The following GREB1L variants were observed in gnomAD, a reference collection of about 807,000 sequenced individuals.
GREB1L encodes the protein GREB1 like retinoic acid receptor coactivator.
In GREB1L, 17 loss-of-function variants were observed where a neutral mutation model predicts 200.8. The ratio of observed to expected loss-of-function variants is 0.08; its 90% confidence interval spans 0.06 to 0.13. The LOEUF (loss-of-function observed/expected upper bound fraction) is 0.13. Among genes scored for constraint, GREB1L ranks in the 10% least tolerant of loss-of-function variants. The pLI is 1.00. For missense variants in GREB1L, 1,657 were observed against 2,367.7 expected, an observed-to-expected ratio of 0.70 and a Z score of 6.23; for synonymous variants, 789 against 893.0, an observed-to-expected ratio of 0.88 and a Z score of 2.08.
At chr18:21,424,582 A>G (rs2144933035) in intron 7 of GREB1L, among the ~76,000 whole-genome samples, 1 of 152,224 alleles carries the variant, frequency 6.6e-6, no homozygotes, top group African/African-American at 2.4e-5. Flanking sequence ...ATAAAGTGTG[A>G]CAGAGTGAGA....
At chr18:21,468,349 C>G (rs916456069) in intron 15 of GREB1L, among the ~76,000 whole-genome samples, 21 of 152,106 alleles carry the variant, frequency 1.4e-4, no homozygotes, top group Non-Finnish European at 2.5e-4. Flanking sequence ...TCTATAGAGA[C>G]ACAAAGTAGA....
At chr18:21,328,193 C>T (rs1013512844) in intron 1 of GREB1L, among the ~76,000 whole-genome samples, 8 of 152,262 alleles carry the variant, frequency 5.3e-5, no homozygotes, top group Non-Finnish European at 8.8e-5. Flanking sequence ...CCCCGTTCCC[C>T]AGGATGTTTA....
At chr18:21,506,092 T>C (rs2037005129) in intron 25 of GREB1L, 143 bp downstream of exon 25, 4 of 925,572 alleles carry the variant, frequency 4.3e-6, no homozygotes, top group Non-Finnish European at 4.6e-6. Context: ...GAGCCACTCA[T>C]TGGTGAGAAA....
At chr18:21,271,473 T>C (rs1644239061) in intron 1 of GREB1L, among the ~76,000 whole-genome samples, 3 of 151,274 alleles carry the variant, frequency 2.0e-5, no homozygotes, top group Non-Finnish European at 4.4e-5. Flanking sequence ...ACAGTGAGAC[T>C]CTGTCTCTAT....
At chr18:21,442,452 C>T (rs2033950277) in intron 10 of GREB1L, among the ~76,000 whole-genome samples, 1 of 152,182 alleles carries the variant, frequency 6.6e-6, no homozygotes. Context: ...ATCCCAGTTG[C>T]TTAAATGCTG....
chr18:21,425,622 G>C (rs867105012), intron 7 of GREB1L, among the ~76,000 whole-genome samples: 15 of 152,166 alleles, frequency 9.9e-5, no homozygotes, highest in African/African-American at 3.6e-4. Context: ...GTTTTGATTT[G>C]CATTTCTCCA....
Position 21,525,769 on chromosome 18 carries a change from A to ATCTT in GREB1L, c.*2949_*2952dup, listed in dbSNP as rs1343983093. Among the ~76,000 whole-genome samples the ATCTT allele has an allele frequency of 1.3e-5, 2 of 152,222 alleles. No homozygotes were observed. The highest frequency in any genetic ancestry group is 4.8e-5 in the African/African-American group (2 of 41,472). On this transcript the variant is annotated 3_prime_UTR_variant, in exon 33 of 33. Coordinates refer to ENST00000424526, the MANE Select transcript of GREB1L (RefSeq NM_001142966.3). ...ATGCTGTTATTGTAGTATGAATTAT[A>ATCTT]TCTTCTTAAAAAATTTTACCAACTT... is the stretch of plus-strand genomic sequence containing the variant.
At chr18:21,499,353 C>A (rs757744089) in intron 21 of GREB1L, among the ~76,000 whole-genome samples, 1 of 152,176 alleles carries the variant, frequency 6.6e-6, no homozygotes, top group African/African-American at 2.4e-5. Flanking sequence ...GTGTGCTGTG[C>A]TGGGGGGTGG....
At chr18:21,503,224 A>T (rs986139943) in intron 23 of GREB1L, among the ~76,000 whole-genome samples, 1 of 151,708 alleles carries the variant, frequency 6.6e-6, no homozygotes, top group African/African-American at 2.4e-5. Flanking sequence ...AAAAATATAT[A>T]TTTTAAGATG....
At chr18:21,395,804 A>C (rs2041033683) in intron 5 of GREB1L, among the ~76,000 whole-genome samples, 1 of 150,104 alleles carries the variant, frequency 6.7e-6, no homozygotes, top group Admixed American at 6.7e-5. Context: ...GTCTAGGCTC[A>C]CTGCAACCTC....
intron 1 of GREB1L, among the ~76,000 whole-genome samples, chr18:21,351,588 G>C (rs1361739174): frequency 6.6e-6 from 1 of 150,774 alleles, no homozygotes; most frequent in East Asian, 1.9e-4. Flanking sequence ...AAAAAAAAAG[G>C]CACAGAGATG....
At chr18:21,521,297 G>C (rs2146132036) in intron 32 of GREB1L, among the ~76,000 whole-genome samples, 1 of 151,932 alleles carries the variant, frequency 6.6e-6, no homozygotes, top group African/African-American at 2.4e-5. Context: ...CTTAAACCCG[G>C]AAGGCAGAGG....
At chr18:21,349,078 G>A (rs1365700645) in intron 1 of GREB1L, among the ~76,000 whole-genome samples, 2 of 152,092 alleles carry the variant, frequency 1.3e-5, no homozygotes, top group Non-Finnish European at 2.9e-5. Flanking sequence ...ACAATGAAAG[G>A]GCTTCTCTTC....
intron 1 of GREB1L, among the ~76,000 whole-genome samples, chr18:21,252,481 A>G (rs574423545): frequency 6.9e-6 from 1 of 145,696 alleles, no homozygotes; most frequent in South Asian, 2.2e-4. Flanking sequence ...CGCTTGAACC[A>G]GGGAGGCGGA....
chr18:21,301,390 C>A (rs924133440), intron 1 of GREB1L, among the ~76,000 whole-genome samples: 4 of 152,174 alleles, frequency 2.6e-5, no homozygotes, highest in African/African-American at 9.7e-5. Flanking sequence ...TAGTTCCTAC[C>A]AGATTTCTCT....
intron 1 of GREB1L, among the ~76,000 whole-genome samples, chr18:21,278,088 G>T (rs2038199705): frequency 6.6e-6 from 1 of 152,136 alleles, no homozygotes; most frequent in Non-Finnish European, 1.5e-5. Flanking sequence ...GGATATTAAA[G>T]TTACAACAAG....
chr18:21,273,492 A>G (rs1567917000), intron 1 of GREB1L, among the ~76,000 whole-genome samples: 1 of 152,184 alleles, frequency 6.6e-6, no homozygotes, highest in Non-Finnish European at 1.5e-5. Flanking sequence ...TTAATTGTCT[A>G]TTCATTAATT....
intron 1 of GREB1L, among the ~76,000 whole-genome samples, chr18:21,290,136 A>G (rs1203386360): frequency 6.6e-6 from 1 of 152,226 alleles, no homozygotes; most frequent in Non-Finnish European, 1.5e-5. Flanking sequence ...TGTGGAAAAT[A>G]TAACAGTAGA....
At chr18:21,420,443 G>A (rs1165165911) in intron 7 of GREB1L, among the ~76,000 whole-genome samples, 2 of 151,564 alleles carry the variant, frequency 1.3e-5, no homozygotes, top group Non-Finnish European at 2.9e-5. Flanking sequence ...TAAAGGGATT[G>A]TTTCTGAACT....
Sources: gnomAD v4.1 joint callset for allele counts (sites outside exome capture counted in the v4.1 genomes callset) on GRCh38, gnomAD v4.1.1 for gene constraint, MANE v1.5 for transcripts, NCBI Gene and HGNC (gene_info 2026-07-23, HGNC 2026-07-21) for gene names.